Variants in SCP2 observed in about 807,000 individuals in gnomAD.
The protein encoded by SCP2 is SCP-2/3-oxoacyl-CoA thiolase.
In SCP2, 48 loss-of-function variants were observed where a neutral mutation model predicts 71.4. That is an observed-to-expected ratio of 0.67 (90% CI 0.53 to 0.86). SCP2 has a LOEUF of 0.86. Among genes scored for constraint, SCP2 ranks in the 40% least tolerant of loss-of-function variants. SCP2 has a pLI of 0.00. For missense variants in SCP2, 560 were observed against 655.6 expected, an observed-to-expected ratio of 0.85 and a Z score of 1.59; for synonymous variants, 220 against 218.1, an observed-to-expected ratio of 1.01 and a Z score of -0.08.
At chr1:52,935,932 T>C (rs1429382668) in intron 1 of SCP2, among the ~76,000 whole-genome samples, 1 of 152,028 alleles carries the variant, frequency 6.6e-6, no homozygotes, top group South Asian at 2.1e-4. Flanking sequence ...AGCAAGAACC[T>C]GTCTTGAAAA....
intron 1 of SCP2, among the ~76,000 whole-genome samples, chr1:52,939,083 A>G (rs1186745158): frequency 3.9e-5 from 6 of 152,184 alleles, no homozygotes; most frequent in Admixed American, 3.3e-4. Flanking sequence ...TTCACTTAAT[A>G]TGATATGTAT....
intron 14 of SCP2, among the ~76,000 whole-genome samples, chr1:53,043,856 G>A (rs1232809112): frequency 1.3e-5 from 2 of 152,096 alleles, no homozygotes; most frequent in Admixed American, 6.5e-5. Flanking sequence ...TTTCTAGGCT[G>A]TAAATTTGTT....
intron 8 of SCP2, 33 bp downstream of exon 8, chr1:52,976,802 G>GC: frequency 6.5e-6 from 7 of 1,072,476 alleles, no homozygotes; most frequent in Non-Finnish European, 1.0e-5. Flanking sequence ...TTTAATGAGG[G>GC]AAGTAACTGC....
At chr1:53,003,727 A>G (rs1201179902) in intron 11 of SCP2, among the ~76,000 whole-genome samples, 2 of 151,958 alleles carry the variant, frequency 1.3e-5, no homozygotes, top group Admixed American at 6.6e-5. Flanking sequence ...GGGTCTCCCT[A>G]TGCTTCCCAG....
chr1:52,972,843 C>G (rs1657613674), intron 6 of SCP2, among the ~76,000 whole-genome samples: 1 of 152,196 alleles, frequency 6.6e-6, no homozygotes, highest in Non-Finnish European at 1.5e-5. Context: ...CATAAGCAGT[C>G]TAATTGCTGT....
rs1409354099 is a variant in SCP2 at position 53,014,912 on chromosome 1, C to T, written c.1104C>T (p.Leu368=). 1.2e-6 allele frequency: 2 copies of T among 1,613,338 alleles called. No individual in the cohort carries two copies. Among genetic ancestry groups the T allele is most frequent in the African/African-American group, 1.3e-5 (1 of 74,894 alleles). ...GATGLAQCAE[L]CWQLRGEAGK... The stretch of plus-strand genomic sequence containing the variant: ...TAGGTCTTGCTCAGTGTGCAGAACT[C>T]TGCTGGCAGCTGAGAGGGGAAGCCG... Residue 368 remains leucine (L), a synonymous_variant, in exon 12 of 16, where the codon CTC becomes CTT. Transcript: ENST00000371514.
At chr1:52,975,720 G>A (rs1025848436) in intron 7 of SCP2, among the ~76,000 whole-genome samples, 3 of 152,188 alleles carry the variant, frequency 2.0e-5, no homozygotes, top group African/African-American at 4.8e-5. Context: ...TAAGGAACTA[G>A]TATTCTTTAA....
chr1:52,989,357 G>T (rs921828703), intron 11 of SCP2, among the ~76,000 whole-genome samples: 4 of 152,180 alleles, frequency 2.6e-5, no homozygotes, highest in African/African-American at 9.7e-5. Context: ...ACAACAATCT[G>T]TTGGGAGTGG....
Position 53,015,027 on chromosome 1 carries a change from T to A in SCP2, c.1219T>A (p.Phe407Ile), listed in dbSNP as rs1661237569. The stretch of plus-strand genomic sequence containing the variant: ...GGTTGTAACACTCTACAAGATGGGT[T>A]TTCCGGAAGCCGCCAGGTGAGTGAC... ...AVVVTLYKMGFPEAASSFRTH... is the reference protein window; with the variant it reads ...AVVVTLYKMGIPEAASSFRTH... The change falls in exon 12 of 16, where the codon TTT (phenylalanine) becomes ATT (isoleucine). Residue 407 changes from phenylalanine to isoleucine, a missense_variant. By Grantham distance (21) the Phe-to-Ile change is conservative (BLOSUM62 0). This residue lies in a region of SCP2 where 513 missense variants were observed against 573.1 expected (regional missense o/e 0.90). Coordinates refer to ENST00000371514, the MANE Select transcript of SCP2 (RefSeq NM_002979.5). 1.2e-6 allele frequency: 2 copies of A among 1,614,184 alleles called. No individual in the cohort carries two copies. Among genetic ancestry groups the A allele is most frequent in the East Asian group, 4.5e-5 (2 of 44,882 alleles).
rs1384560546 is a variant in SCP2 at position 53,015,007 on chromosome 1, T to C, written c.1199T>C (p.Val400Ala). ...TTAGGCATTGGAGGAGCTGTGGTTG[T>C]AACACTCTACAAGATGGGTTTTCCG... ...HNLGIGGAVVVTLYKMGFPEA... is the reference protein window; with the variant it reads ...HNLGIGGAVVATLYKMGFPEA... Residue 400 changes from valine (V) to alanine (A), a missense_variant, in exon 12 of 16, where the codon GTA becomes GCA. Val to Ala is a moderately conservative substitution (Grantham distance 64, BLOSUM62 0). Around this residue, in one of 3 missense-constraint regions of SCP2, gnomAD observed 513 missense variants for 573.1 expected, o/e 0.90. Coordinates refer to ENST00000371514, the MANE Select transcript of SCP2 (RefSeq NM_002979.5). The C allele has an allele frequency of 6.2e-7, 1 of 1,614,204 alleles. No homozygotes were observed.
chr1:52,945,462 G>T (rs1231281025), intron 2 of SCP2, among the ~76,000 whole-genome samples: 1 of 152,182 alleles, frequency 6.6e-6, no homozygotes, highest in Non-Finnish European at 1.5e-5. Context: ...AGCACTTTGG[G>T]AGGCTAAGGC....
chr1:52,976,139 C>T (rs1273606677), intron 7 of SCP2, among the ~76,000 whole-genome samples: 1 of 152,202 alleles, frequency 6.6e-6, no homozygotes, highest in Non-Finnish European at 1.5e-5. Flanking sequence ...GGAGTCAGGG[C>T]ATGTCATCCT....
intron 6 of SCP2, among the ~76,000 whole-genome samples, chr1:52,968,388 C>A (rs1657166740): frequency 6.6e-6 from 1 of 152,122 alleles, no homozygotes; most frequent in South Asian, 2.1e-4. Flanking sequence ...TACCCTCATT[C>A]ATTTCTTCAT....
At chr1:52,961,697 A>C in intron 6 of SCP2, 68 bp downstream of exon 6, 2 of 1,357,984 alleles carry the variant, frequency 1.5e-6, no homozygotes, top group Non-Finnish European at 2.1e-6. Flanking sequence ...AATGACAGTT[A>C]TTTATTAAGG....
chr1:52,946,360 C>T (rs964960878), intron 2 of SCP2, among the ~76,000 whole-genome samples: 1 of 152,018 alleles, frequency 6.6e-6, no homozygotes, highest in South Asian at 2.1e-4. Flanking sequence ...TCCCAAGTAC[C>T]TGGGACCACA....
intron 12 of SCP2, among the ~76,000 whole-genome samples, chr1:53,018,338 A>G (rs180716193): frequency 5.9e-5 from 9 of 152,272 alleles, no homozygotes; most frequent in African/African-American, 1.9e-4. Context: ...TTTCTTAACT[A>G]TCTGAGAGAA....
At chr1:52,976,916 T>A in intron 8 of SCP2, 147 bp downstream of exon 8, 1 of 627,356 alleles carries the variant, frequency 1.6e-6, no homozygotes, top group East Asian at 2.8e-5. Context: ...GTCACTTCAC[T>A]AGAGTACCCT....
chr1:53,050,219 C>T, intron 15 of SCP2: 1 of 234,350 alleles, frequency 4.3e-6, no homozygotes, highest in South Asian at 5.6e-5. Flanking sequence ...GGATTGAATC[C>T]CAAGAGTTTC....
At chr1:53,048,582 C>A (rs923292662) in intron 15 of SCP2, 1 of 159,336 alleles carries the variant, frequency 6.3e-6, no homozygotes, top group East Asian at 1.8e-4. Flanking sequence ...TCTCTCTCTT[C>A]CCTGTTAGGC....
Sources: gnomAD v4.1 joint callset for allele counts (sites outside exome capture counted in the v4.1 genomes callset) on GRCh38, gnomAD v4.1.1 for gene constraint, gnomAD v4.1.1 regional missense constraint, MANE v1.5 for transcripts, NCBI Gene and HGNC (gene_info 2026-07-23, HGNC 2026-07-21) for gene names.